Variants in KSR2 observed in about 807,000 individuals in gnomAD.
KSR2 encodes kinase suppressor of ras 2.
Under a neutral mutation model 107.8 loss-of-function variants are expected in KSR2, and 25 were observed. The ratio of observed to expected loss-of-function variants is 0.23; its 90% CI spans 0.17 to 0.32. The LOEUF (loss-of-function observed/expected upper bound fraction) is 0.32. Ranked by LOEUF, KSR2 falls within the 10% of genes least tolerant of loss-of-function variation. KSR2 has a pLI of 1.00. For missense variants in KSR2, 887 were observed against 1,268.9 expected (o/e 0.70, Z 4.57); for synonymous variants, 480 against 507.0 (o/e 0.95, Z 0.71).
At chr12:117,472,806 A>G (rs1398413119) in intron 17 of KSR2, among the ~76,000 whole-genome samples, 1 of 152,176 alleles carries the variant, frequency 6.6e-6, no homozygotes, top group Non-Finnish European at 1.5e-5. Context: ...ACTAGGCACT[A>G]TTCTAAGTTT....
rs1046449429 is a variant in KSR2, at chr12:117,897,059, G to C, written c.181-36628C>G. 3.3e-5 allele frequency among the ~76,000 whole-genome samples: 5 copies of C among 152,148 alleles called. No homozygotes were observed. The highest frequency in any genetic ancestry group is 1.2e-4 in the African/African-American group (5 of 41,440). On this transcript the variant is annotated intron_variant, in intron 1 of 19. Coordinates refer to ENST00000339824, the MANE Select transcript of KSR2 (RefSeq NM_173598.6). The surrounding 1 kb of genome is among the most constrained non-coding windows in gnomAD (Gnocchi z 4.5). ...AACCAGGAGGTGTTAGAGTGAAGAG[G>C]TTTCTTCCTCTCTGCCCTGTTCCTC...
intron 1 of KSR2, among the ~76,000 whole-genome samples, chr12:117,923,413 G>A (rs1358469464): frequency 6.6e-6 from 1 of 152,176 alleles, no homozygotes; most frequent in Non-Finnish European, 1.5e-5. Context: ...GATGCCAGAT[G>A]TAGTGGCTCA....
At chr12:117,926,539 CTG>C (rs1342457860) in intron 1 of KSR2, among the ~76,000 whole-genome samples, 5 of 152,226 alleles carry the variant, frequency 3.3e-5, no homozygotes, top group Non-Finnish European at 7.3e-5. Flanking sequence ...TGGAGGGACT[CTG>C]TGGGTGGCCC....
chr12:117,855,637 G>A (rs867319988), intron 2 of KSR2, 59 bp from the exon 3 acceptor site: 29 of 1,558,536 alleles, frequency 1.9e-5, no homozygotes, highest in Middle Eastern at 1.7e-4. Flanking sequence ...CTGCCTCCAC[G>A]CTGCCCTGTA....
chr12:117,854,604 T>C (rs1289989598), intron 3 of KSR2, among the ~76,000 whole-genome samples: 15 of 152,178 alleles, frequency 9.9e-5, no homozygotes, highest in Non-Finnish European at 2.1e-4. Context: ...CACCTTGTGG[T>C]GGGAACTGCA....
At chr12:117,816,976 A>G (rs1264732887) in intron 3 of KSR2, among the ~76,000 whole-genome samples, 1 of 152,122 alleles carries the variant, frequency 6.6e-6, no homozygotes, top group African/African-American at 2.4e-5. Context: ...CTGGCTGTTC[A>G]TCTTTCCATT....
intron 1 of KSR2, among the ~76,000 whole-genome samples, chr12:117,908,089 A>G (rs1366662115): frequency 2.0e-5 from 3 of 152,228 alleles, no homozygotes; most frequent in African/African-American, 7.2e-5. Flanking sequence ...ATATAGCATC[A>G]ATATCTTTAA....
chr12:117,968,525 G>A lies in KSR2; in HGVS notation c.-270C>T. On this transcript the variant is annotated 5_prime_UTR_variant, in exon 1 of 20. Transcript: ENST00000339824. The stretch of plus-strand genomic sequence containing the variant: ...CTGAGTCTCTGGTCCCTGAAAAGGA[G>A]AGATGCTGTTTCTCAGAAGCAAACC... 8.1e-7 allele frequency: 1 copy of A among 1,227,400 alleles called. No individual in the cohort carries two copies. The highest frequency in any genetic ancestry group is 1.6e-5 in the African/African-American group (1 of 64,108). 76.0% of individuals were successfully genotyped at this position (1,227,400 alleles called of 1,614,324 possible).
chr12:117,605,165 G>A (rs1176933713), intron 5 of KSR2, among the ~76,000 whole-genome samples: 2 of 152,104 alleles, frequency 1.3e-5, no homozygotes, highest in African/African-American at 2.4e-5. Context: ...GTGTTCTAAG[G>A]TTCTCCCAAG....
intron 5 of KSR2, among the ~76,000 whole-genome samples, chr12:117,606,265 C>CCTCT: frequency 6.6e-6 from 1 of 150,968 alleles, no homozygotes; most frequent in Non-Finnish European, 1.5e-5. Context: ...TTTCCTCCCT[C>CCTCT]CCTTCCTCCC....
chr12:117,867,133 T>C (rs998495611), intron 1 of KSR2, among the ~76,000 whole-genome samples: 1 of 152,012 alleles, frequency 6.6e-6, no homozygotes, highest in Non-Finnish European at 1.5e-5. Flanking sequence ...CTGGCCAACA[T>C]GGTAAGACCC....
At chr12:117,691,704 T>C (rs1361157293) in intron 4 of KSR2, among the ~76,000 whole-genome samples, 1 of 152,226 alleles carries the variant, frequency 6.6e-6, no homozygotes, top group African/African-American at 2.4e-5. Flanking sequence ...CCCAGATCTC[T>C]GATGGATGCT....
At chr12:117,705,214 G>A (rs143615718) in intron 4 of KSR2, among the ~76,000 whole-genome samples, 2 of 152,274 alleles carry the variant, frequency 1.3e-5, no homozygotes, top group East Asian at 3.9e-4. Flanking sequence ...GGGATCCTGG[G>A]AAGTTCTCCC....
chr12:117,541,855 C>T (rs763018570), intron 9 of KSR2, among the ~76,000 whole-genome samples: 3 of 152,052 alleles, frequency 2.0e-5, no homozygotes, highest in Non-Finnish European at 4.4e-5. Flanking sequence ...GTGAGTCTCT[C>T]CTTATCCTTT....
At chr12:117,785,062 C>T (rs1238213754) in intron 3 of KSR2, among the ~76,000 whole-genome samples, 1 of 152,178 alleles carries the variant, frequency 6.6e-6, no homozygotes, top group East Asian at 1.9e-4. Flanking sequence ...CCAGGAGATA[C>T]TCCAAAATTG....
At chr12:117,565,894 T>A (rs746240136) in intron 7 of KSR2, among the ~76,000 whole-genome samples, 1 of 152,242 alleles carries the variant, frequency 6.6e-6, no homozygotes, top group Admixed American at 6.5e-5. Flanking sequence ...CAGACTGCAA[T>A]CAAGTTTAAG....
chr12:117,676,537 A>C, intron 4 of KSR2, among the ~76,000 whole-genome samples: 1 of 152,194 alleles, frequency 6.6e-6, no homozygotes, highest in African/African-American at 2.4e-5. Context: ...AGAAAAAGGA[A>C]GAGAAAAGGA....
At chr12:117,731,233 A>G (rs150189612) in intron 4 of KSR2, among the ~76,000 whole-genome samples, 35,799 of 136,088 alleles carry the variant, frequency 0.26, 5,994 homozygotes, top group African/African-American at 0.46. Context: ...GTCTCTGCCC[A>G]GCCGCCCCGT....
Position 117,968,332 on chromosome 12 carries a change from C to G in KSR2, c.-77G>C. 3 of 1,419,932 alleles carry G rather than the reference C, an allele frequency of 2.1e-6. No individual in the cohort carries two copies. The highest frequency in any genetic ancestry group is 2.7e-6 in the Non-Finnish European group (3 of 1,095,214). The allele number at this position is 1,419,932 out of a possible 1,614,324, so 88.0% of individuals were successfully genotyped here. On this transcript the variant is annotated 5_prime_UTR_variant, in exon 1 of 20. Coordinates refer to ENST00000339824, the MANE Select transcript of KSR2 (RefSeq NM_173598.6). ...AGGGGGGGGAGTAGAGGTAGTCTAC[C>G]CTCCGCCTCTCCAACCACTGCGACT...
Sources: allele counts gnomAD v4.1 joint callset (sites outside exome capture counted in the v4.1 genomes callset), GRCh38; gene constraint gnomAD v4.1.1; non-coding constraint Gnocchi (gnomAD v3.1); transcripts MANE v1.5; gene names NCBI Gene and HGNC (gene_info 2026-07-23, HGNC 2026-07-21).